ELP1: variants seen among roughly 807,000 people sequenced by gnomAD.
The protein encoded by ELP1 is elongator complex protein 1.
ELP1 carries 131 observed loss-of-function variants against 183.2 expected under a neutral mutation model. The ratio of observed to expected loss-of-function variants is 0.72; its 90% CI spans 0.62 to 0.83. The LOEUF is 0.83. Ranked by LOEUF, ELP1 falls within the 40% of genes least tolerant of loss-of-function variation. The probability of loss-of-function intolerance (pLI) is 0.00; values close to 1 mark genes in which losing one functional copy is unlikely to be tolerated. For synonymous variants in ELP1, 555 were observed against 569.0 expected (o/e 0.98, Z 0.35); for missense variants, 1,550 against 1,594.9 (o/e 0.97, Z 0.48).
At chr9:108,872,734 G>A (rs1026219382) in intron 36 of ELP1, among the ~76,000 whole-genome samples, 7 of 139,100 alleles carry the variant, frequency 5.0e-5, no homozygotes, top group South Asian at 2.3e-4. Flanking sequence ...GAACCCGGGA[G>A]GCGGAGCTTG....
At chr9:108,870,690 G>A (rs1210322274) in intron 36 of ELP1, among the ~76,000 whole-genome samples, 1 of 150,900 alleles carries the variant, frequency 6.6e-6, no homozygotes, top group Non-Finnish European at 1.5e-5. Context: ...TTTCTCTAAG[G>A]TACCAATCCT....
At position 108,897,124 on chromosome 9, in the gene ELP1, G is replaced by A. The variant is rs767364782; in HGVS notation, c.2501+24C>T. ...TACACACTTCGGTTTTTCAAAGGAT[G>A]CCACCTGGTGACAGCATACATACTT... On this transcript the variant is annotated intron_variant, in intron 23 of 36. Coordinates refer to ENST00000374647, the MANE Select transcript of ELP1 (RefSeq NM_003640.5). 8.7e-6 allele frequency: 14 copies of A among 1,614,016 alleles called. No individual in the cohort carries two copies. The South Asian group carries it at 1.4e-4, about 16-fold the overall frequency.
intron 28 of ELP1, 47 bp downstream of exon 28, chr9:108,891,155 AT>A (rs1564079888): frequency 6.3e-7 from 1 of 1,580,982 alleles, no homozygotes; most frequent in Non-Finnish European, 8.7e-7. Context: ...AAAGAAATAA[AT>A]TTTTTAAAAC....
chr9:108,885,990 A>C (rs1220856771), intron 29 of ELP1, among the ~76,000 whole-genome samples: 1 of 152,236 alleles, frequency 6.6e-6, no homozygotes, highest in Non-Finnish European at 1.5e-5. Context: ...TGCCTGAAGA[A>C]GACCTTGGCC....
At chr9:108,912,576 CTTT>C in intron 10 of ELP1, 82 bp from the exon 11 acceptor site, 1 of 986,226 alleles carries the variant, frequency 1.0e-6, no homozygotes. Flanking sequence ...CAAGGGCAAT[CTTT>C]TCTTTTTCAA....
intron 18 of ELP1, 136 bp downstream of exon 18, chr9:108,901,289 A>T: frequency 1.4e-6 from 1 of 705,654 alleles, no homozygotes; most frequent in Non-Finnish European, 2.6e-6. Context: ...GGTCTAAGTA[A>T]AATAACTCTA....
rs916981895 is a variant in ELP1 at position 108,916,172 on chromosome 9, G to C, written c.958+32C>G. 4 of 1,509,218 alleles carry C rather than the reference G, an allele frequency of 2.7e-6. No individual in the cohort carries two copies. The African/African-American group carries it at 5.5e-5, about 21-fold the overall frequency. The allele number at this position is 1,509,218 out of a possible 1,614,324, so 93.5% of individuals were successfully genotyped here. A position where few individuals can be genotyped will look rare whatever the true frequency, so the allele number is the denominator to read the frequency against. On this transcript the variant is annotated intron_variant, in intron 10 of 36. Coordinates refer to ENST00000374647, the MANE Select transcript of ELP1 (RefSeq NM_003640.5). Reference sequence around the variant, plus strand: ...GTCTACTTTCAACTACGTTTTATGGGGCAGAAGGCTGGGGTACTACAGCTG... The same window carrying C: ...GTCTACTTTCAACTACGTTTTATGGCGCAGAAGGCTGGGGTACTACAGCTG...
intron 35 of ELP1, among the ~76,000 whole-genome samples, chr9:108,877,273 A>G (rs1220635180): frequency 1.3e-5 from 2 of 152,134 alleles, no homozygotes; most frequent in African/African-American, 2.4e-5. Flanking sequence ...TACTATCTCA[A>G]TGTCCTTCCT....
At chr9:108,900,960 C>G (rs1010814546) in intron 18 of ELP1, among the ~76,000 whole-genome samples, 1 of 145,362 alleles carries the variant, frequency 6.9e-6, no homozygotes, top group Non-Finnish European at 1.5e-5. Context: ...CACATACACG[C>G]CACACACACA....
chr9:108,914,415 G>T (rs112716049), intron 10 of ELP1, among the ~76,000 whole-genome samples: 4 of 47,190 alleles, frequency 8.5e-5, no homozygotes, highest in Non-Finnish European at 1.3e-4. Context: ...AAAAAAAAAG[G>T]GGGGGGGGGT....
At chr9:108,907,419 A>C (rs1344117663) in intron 13 of ELP1, among the ~76,000 whole-genome samples, 1 of 152,240 alleles carries the variant, frequency 6.6e-6, no homozygotes, top group African/African-American at 2.4e-5. Flanking sequence ...TTTAAAAACT[A>C]CTAAGCATTA....
intron 10 of ELP1, among the ~76,000 whole-genome samples, chr9:108,915,814 A>C (rs1041111775): frequency 6.6e-6 from 1 of 152,098 alleles, no homozygotes; most frequent in South Asian, 2.1e-4. Context: ...ACCCGCAACC[A>C]AACGCACATC....
Position 108,911,311 on chromosome 9 carries a change from G to C in ELP1, c.1190-131C>G, listed in dbSNP as rs150365343. 595 of 908,906 alleles carry C rather than the reference G, an allele frequency of 6.5e-4. 4 individuals are homozygous for C. The African/African-American group carries it at 8.5e-3, about 13-fold the overall frequency. The allele number at this position is 908,906 out of a possible 1,614,324, so 56.3% of individuals were successfully genotyped here. On this transcript the variant is annotated intron_variant, in intron 11 of 36. Transcript: ENST00000374647. ...AAAATAACTTTCAATGTTTTTCTCAGGAACAAGTCTAAAAACAGTGTGGGA... is the reference window on the plus strand; with the variant it reads ...AAAATAACTTTCAATGTTTTTCTCACGAACAAGTCTAAAAACAGTGTGGGA...
intron 36 of ELP1, among the ~76,000 whole-genome samples, chr9:108,872,575 C>T (rs373686388): frequency 1.4e-3 from 215 of 151,866 alleles, no homozygotes; most frequent in African/African-American, 5.0e-3. Flanking sequence ...GAGGCCGAGG[C>T]GGGTGGATCA....
intron 14 of ELP1, among the ~76,000 whole-genome samples, chr9:108,904,592 G>C (rs1828950200): frequency 6.6e-6 from 1 of 152,194 alleles, no homozygotes; most frequent in Non-Finnish European, 1.5e-5. Context: ...TAAATTATCT[G>C]TCAAGAAGAG....
chr9:108,926,693 G>A, intron 4 of ELP1, 90 bp from the exon 5 acceptor site: 1 of 895,976 alleles, frequency 1.1e-6, no homozygotes, highest in Non-Finnish European at 1.8e-6. Flanking sequence ...TAAGGAGCTG[G>A]AGTTAGTCTG....
At chr9:108,914,255 C>T (rs553366867) in intron 10 of ELP1, among the ~76,000 whole-genome samples, 48 of 151,842 alleles carry the variant, frequency 3.2e-4, no homozygotes, top group African/African-American at 1.1e-3. Flanking sequence ...AAAAATTAGC[C>T]AGGCTTGGTG....
At position 108,922,840 on chromosome 9, in the gene ELP1, A is replaced by T. The variant is rs1554702142; in HGVS notation, c.552+2T>A. The T allele has an allele frequency of 2.5e-6, 4 of 1,611,788 alleles. No homozygotes were observed. Among genetic ancestry groups the T allele is most frequent in the Non-Finnish European group, 3.4e-6 (4 of 1,177,922 alleles). On this transcript the variant is annotated splice_donor_variant, in intron 6 of 36. Transcript: ENST00000374647. LOFTEE classifies it high-confidence loss of function. ...GCTTTTTATCCATCAAACCAAACTT[A>T]CCATTTGCATCTGAAAAGCTGCTTG...
intron 17 of ELP1, 35 bp from the exon 18 acceptor site, chr9:108,901,565 C>T (rs750566131): frequency 3.1e-6 from 5 of 1,608,368 alleles, no homozygotes; most frequent in Non-Finnish European, 4.3e-6. Flanking sequence ...TGGGTGAAAG[C>T]TAGCTAGATT....
Sources: allele counts gnomAD v4.1 joint callset (sites outside exome capture counted in the v4.1 genomes callset), GRCh38; gene constraint gnomAD v4.1.1; transcripts MANE v1.5; gene names NCBI Gene and HGNC (gene_info 2026-07-23, HGNC 2026-07-21).